ANKRD36C: variants seen among roughly 807,000 people sequenced by gnomAD.
ANKRD36C encodes the protein ankyrin repeat domain-containing protein 36C.
ANKRD36C carries 61 observed loss-of-function variants against 276.4 expected under a neutral mutation model. The observed-to-expected ratio is 0.22, with a 90% confidence interval of 0.18 to 0.27. The LOEUF (loss-of-function observed/expected upper bound fraction) is 0.27. Among genes scored for constraint, ANKRD36C ranks in the 10% least tolerant of loss-of-function variants. The pLI, the probability that ANKRD36C is intolerant of heterozygous loss-of-function variation, is 1.00. For missense variants in ANKRD36C, 1,447 were observed against 2,032.3 expected (o/e 0.71, Z 5.54); for synonymous variants, 483 against 680.1 (o/e 0.71, Z 4.51).
At chr2:95,914,465 G>A (rs188815766) in intron 38 of ANKRD36C, among the ~76,000 whole-genome samples, 162 bp from the exon 41 acceptor site, 50 of 151,354 alleles carry the variant, frequency 3.3e-4, no homozygotes, top group African/African-American at 1.1e-3. Flanking sequence ...ATAGAAATAC[G>A]CTGAGAAACG....
chr2:95,895,399 C>T, intron 44 of ANKRD36C: 1 of 1,042,448 alleles, frequency 9.6e-7, no homozygotes, highest in Non-Finnish European at 1.3e-6. Context: ...GCAAAGTTAC[C>T]TGTCCTAGAT....
At chr2:95,965,282 GT>G (rs1678565411) in intron 6 of ANKRD36C, among the ~76,000 whole-genome samples, 1 of 151,850 alleles carries the variant, frequency 6.6e-6, no homozygotes, top group African/African-American at 2.4e-5. Context: ...TTTACAGGGT[GT>G]TTTTTCTTCA....
intron 17 of ANKRD36C, among the ~76,000 whole-genome samples, chr2:95,946,156 G>GAAAAAAAAAAAAA (rs56964568): frequency 5.3e-4 from 39 of 73,296 alleles, no homozygotes; most frequent in Admixed American, 8.7e-4. Flanking sequence ...ACAGAGAGAG[G>GAAAAAAAAAAAAA]AAAAAAAAAA....
chr2:95,936,976 C>G (rs1005698554), intron 22 of ANKRD36C, among the ~76,000 whole-genome samples: 1 of 152,296 alleles, frequency 6.6e-6, no homozygotes. Context: ...CGAGTATCAA[C>G]TCTCATTTTA....
chr2:95,911,531 T>C (rs751594302), intron 42 of ANKRD36C, among the ~76,000 whole-genome samples: 7 of 151,532 alleles, frequency 4.6e-5, no homozygotes, highest in Non-Finnish European at 7.4e-5. Flanking sequence ...CAAGTTTATC[T>C]CATTTCTATA....
At chr2:95,880,752 T>G in intron 56 of ANKRD36C, 129 bp from the exon 77 acceptor site, 1 of 1,188,518 alleles carries the variant, frequency 8.4e-7, no homozygotes, top group East Asian at 2.6e-5. Flanking sequence ...GTTTTTCTAG[T>G]TTGTTTCTTT....
chr2:95,991,563 T>C, exon 1 of ANKRD36C: 1 of 1,613,626 alleles, frequency 6.2e-7, no homozygotes, highest in Non-Finnish European at 8.5e-7. Flanking sequence ...CAGAACGAAC[T>C]TCAGTTCCTC....
chr2:95,975,808 A>G (rs564868472), intron 6 of ANKRD36C, among the ~76,000 whole-genome samples: 1 of 152,244 alleles, frequency 6.6e-6, no homozygotes, highest in Admixed American at 6.5e-5. Flanking sequence ...GCTTCTGCCC[A>G]TCAAAAGAAA....
chr2:95,961,269 G>A (rs1310595029), intron 8 of ANKRD36C, among the ~76,000 whole-genome samples: 1 of 152,012 alleles, frequency 6.6e-6, no homozygotes, highest in Admixed American at 6.6e-5. Context: ...GAGTCATAAT[G>A]TGCCTACATT....
At position 95,889,759 on chromosome 2, in the gene ANKRD36C, T is replaced by C. The variant is rs760647413; in HGVS notation, c.2959+40A>G. ...TTTGGTGAAGAGAAGATCTCTTCTA[T>C]CTTGAACGAACATCCTATTAAATGT... On this transcript the variant is annotated intron_variant, in intron 48 of 66. Coordinates refer to ENST00000456556, the Ensembl canonical transcript of ANKRD36C. 38 of 1,551,188 alleles carry C rather than the reference T, an allele frequency of 2.4e-5. No homozygotes were observed. In the African/African-American group the frequency reaches 4.1e-4, roughly 17 times the overall value.
intron 19 of ANKRD36C, among the ~76,000 whole-genome samples, chr2:95,943,923 C>T (rs1677965427): frequency 6.6e-6 from 1 of 152,100 alleles, no homozygotes; most frequent in African/African-American, 2.4e-5. Context: ...ATGAGGGTAA[C>T]AGAGATACAC....
Position 95,893,389 on chromosome 2 carries a change from C to G in ANKRD36C, c.2756-1529G>C, listed in dbSNP as rs540675505. ...TCCAGACCAGCAGCATCAGCATCAC[C>G]CAAGAACTTACTACAAATGAAGAAT... On this transcript the variant is annotated intron_variant, in intron 44 of 66. Coordinates refer to ENST00000456556, the Ensembl canonical transcript of ANKRD36C. 17 of 1,181,982 alleles carry G rather than the reference C, an allele frequency of 1.4e-5. No homozygotes were observed. The South Asian group carries it at 2.2e-4, about 15-fold the overall frequency. 73.2% of individuals were successfully genotyped at this position (1,181,982 alleles called of 1,614,324 possible).
At chr2:95,856,049 A>G (rs776914952) in exon 63 of ANKRD36C, 8 of 1,602,336 alleles carry the variant, frequency 5.0e-6, no homozygotes, top group African/African-American at 1.3e-5. Context: ...TCACAATTTC[A>G]AAGTCTTTTA....
At chr2:95,956,333 C>G in intron 13 of ANKRD36C, among the ~76,000 whole-genome samples, 1 of 152,184 alleles carries the variant, frequency 6.6e-6, no homozygotes, top group East Asian at 1.9e-4. Context: ...CTGCCATTTC[C>G]AAAATATTTG....
chr2:95,875,369 T>C (rs1675919326), intron 59 of ANKRD36C, among the ~76,000 whole-genome samples: 4 of 152,002 alleles, frequency 2.6e-5, no homozygotes, highest in Non-Finnish European at 1.5e-5. Flanking sequence ...GATGAGTTCA[T>C]GTCCTTTGTA....
intron 8 of ANKRD36C, among the ~76,000 whole-genome samples, chr2:95,962,100 C>T (rs920123962): frequency 2.6e-5 from 4 of 151,966 alleles, no homozygotes; most frequent in Non-Finnish European, 5.9e-5. Flanking sequence ...TGTCCCTTAG[C>T]CTGTTATATC....
rs746170930 is a variant in ANKRD36C at position 95,891,776 on chromosome 2, T to G, written c.2785-39A>C. ...GAAATGAAATAATAAATTAATAAAG[T>G]ATGTTTCATAGACTATACATTTACT... is the stretch of plus-strand genomic sequence containing the variant. On this transcript the variant is annotated intron_variant, in intron 45 of 66. Transcript: ENST00000456556. The G allele has an allele frequency of 1.1e-5, 17 of 1,560,594 alleles. No individual in the cohort carries two copies. In the African/African-American group the frequency reaches 1.8e-4, roughly 16 times the overall value.
rs538924389 is a variant in ANKRD36C, at chr2:95,955,955, C to A, written c.1136+831G>T. The stretch of plus-strand genomic sequence containing the variant: ...GAAAACTACAAAAGAAGGTCTTAAA[C>A]CCTAAGAAAAGTGGTAGAGAAAGTG... On this transcript the variant is annotated intron_variant, in intron 13 of 66. Coordinates refer to ENST00000456556, the Ensembl canonical transcript of ANKRD36C. Among the ~76,000 whole-genome samples the A allele has an allele frequency of 4.6e-5, 7 of 151,762 alleles. No individual in the cohort carries two copies. The South Asian group carries it at 1.5e-3, about 32-fold the overall frequency.
intron 3 of ANKRD36C, among the ~76,000 whole-genome samples, chr2:95,983,574 T>C (rs573812060): frequency 6.6e-6 from 1 of 151,608 alleles, no homozygotes; most frequent in East Asian, 1.9e-4. Flanking sequence ...AGCCACTAAA[T>C]TATTTGCATC....
Sources: gnomAD v4.1 joint callset for allele counts (sites outside exome capture counted in the v4.1 genomes callset) on GRCh38, gnomAD v4.1.1 for gene constraint, MANE v1.5 for transcripts, NCBI Gene and HGNC (gene_info 2026-07-23, HGNC 2026-07-21) for gene names.